The following SKP1 variants were observed in gnomAD, a reference collection of about 807,000 sequenced individuals.
SKP1 encodes S-phase kinase-associated protein 1.
Under a neutral mutation model 21.5 loss-of-function variants are expected in SKP1, and 1 was observed. The observed-to-expected ratio is 0.05, with a 90% CI of 0.02 to 0.22. The LOEUF (loss-of-function observed/expected upper bound fraction) is 0.22, where lower values mean the gene tolerates loss of function less well. SKP1 is among the 10% of genes least tolerant of loss of function. The pLI is 1.00. For synonymous variants in SKP1, 59 were observed against 59.3 expected, an observed-to-expected ratio of 0.99 and a Z score of 0.03; for missense variants, 70 against 192.0, an observed-to-expected ratio of 0.36 and a Z score of 3.76.
rs900953707 is a variant in SKP1, at chr5:134,157,428, A to G, written c.*305T>C. On this transcript the variant is annotated 3_prime_UTR_variant, in exon 6 of 6. Transcript: ENST00000353411. ...AGGTCACTAAAGTTAACTGGACAATAAACTAGGCAGACATTGCTTTACAAA... is the reference window on the plus strand; with the variant it reads ...AGGTCACTAAAGTTAACTGGACAATGAACTAGGCAGACATTGCTTTACAAA... 7 of 254,508 alleles carry G rather than the reference A, an allele frequency of 2.8e-5. No homozygotes were observed. The highest frequency in any genetic ancestry group is 2.5e-4 in the Admixed American group (5 of 19,868). 15.8% of individuals were successfully genotyped at this position (254,508 alleles called of 1,614,324 possible).
chr5:134,173,061 G>C (rs995865432), intron 2 of SKP1, among the ~76,000 whole-genome samples: 1 of 151,280 alleles, frequency 6.6e-6, no homozygotes, highest in Non-Finnish European at 1.5e-5. Context: ...GGCAGGGCGC[G>C]GTGGCTCACA....
chr5:134,168,114 A>G (rs980119515), intron 2 of SKP1, among the ~76,000 whole-genome samples: 1 of 152,234 alleles, frequency 6.6e-6, no homozygotes, highest in Non-Finnish European at 1.5e-5. Context: ...TGAGTACACA[A>G]ATAAAGGAAT....
chr5:134,170,078 G>A (rs1187950774), intron 2 of SKP1, among the ~76,000 whole-genome samples: 13 of 151,120 alleles, frequency 8.6e-5, no homozygotes, highest in Middle Eastern at 3.4e-3. Context: ...CTGAGGCAGG[G>A]GAATTGCTTG....
rs1039756241 is a variant in SKP1 at position 134,150,716 on chromosome 5, C to G, written c.*7017G>C. 6.6e-6 allele frequency: 1 copy of G among 152,136 alleles called. No individual in the cohort carries two copies. The highest frequency in any genetic ancestry group is 2.1e-4 in the South Asian group (1 of 4,824). 9.4% of individuals were successfully genotyped at this position (152,136 alleles called of 1,614,324 possible). On this transcript the variant is annotated 3_prime_UTR_variant, in exon 6 of 6. Transcript: ENST00000353411. The stretch of plus-strand genomic sequence containing the variant: ...AAGCAGACCCTGGTTGTGTCAACTC[C>G]CCCAATCCCAACTTATTGTGATAAC...
At chr5:134,157,861 G>A in intron 5 of SKP1, 93 bp from the exon 6 acceptor site, 2 of 1,609,238 alleles carry the variant, frequency 1.2e-6, no homozygotes, top group Non-Finnish European at 1.7e-6. Context: ...TAGCCAGTGA[G>A]TTGAGTCAGA....
At chr5:134,167,931 G>A (rs1187648871) in intron 2 of SKP1, among the ~76,000 whole-genome samples, 2 of 152,194 alleles carry the variant, frequency 1.3e-5, no homozygotes, top group East Asian at 3.8e-4. Context: ...GGTATCCACA[G>A]GGGTGTCCTG....
At chr5:134,172,755 G>A (rs1761467285) in intron 2 of SKP1, among the ~76,000 whole-genome samples, 1 of 152,070 alleles carries the variant, frequency 6.6e-6, no homozygotes, top group African/African-American at 2.4e-5. Flanking sequence ...TCTCATGCCT[G>A]TAATCCCAGC....
chr5:134,161,431 CAAT>C (rs1287179159), intron 3 of SKP1: 6 of 229,634 alleles, frequency 2.6e-5, no homozygotes, highest in Admixed American at 5.5e-5. Flanking sequence ...ATATGTACAA[CAAT>C]GATTAGCTGA....
intron 3 of SKP1, among the ~76,000 whole-genome samples, chr5:134,166,559 G>A (rs1462339921): frequency 8.6e-5 from 9 of 104,620 alleles, no homozygotes; most frequent in African/African-American, 2.3e-4. Flanking sequence ...CCAACCTGGC[G>A]ACAGAGCAAG....
intron 2 of SKP1, among the ~76,000 whole-genome samples, chr5:134,167,727 T>A (rs1451918380): frequency 1.3e-5 from 2 of 152,210 alleles, no homozygotes; most frequent in Non-Finnish European, 2.9e-5. Context: ...GGTTTCACCG[T>A]GTTAGCCAGG....
At chr5:134,176,079 C>G (rs1174543593) in intron 1 of SKP1, among the ~76,000 whole-genome samples, 1 of 152,192 alleles carries the variant, frequency 6.6e-6, no homozygotes. Flanking sequence ...AAAACCCAAA[C>G]GTGAAGTTTC....
intron 3 of SKP1, among the ~76,000 whole-genome samples, chr5:134,162,499 G>C (rs1761238398): frequency 6.6e-6 from 1 of 152,122 alleles, no homozygotes; most frequent in Admixed American, 6.5e-5. Flanking sequence ...TCCACCTCCT[G>C]GGTTCAAGCG....
intron 2 of SKP1, among the ~76,000 whole-genome samples, chr5:134,167,448 T>C (rs779126493): frequency 3.9e-5 from 6 of 152,184 alleles, no homozygotes; most frequent in Non-Finnish European, 8.8e-5. Context: ...TCCTGGTCAT[T>C]ACTCCCTAAA....
intron 3 of SKP1, 98 bp from the exon 4 acceptor site, chr5:134,161,228 T>C (rs569343335): frequency 9.2e-7 from 1 of 1,092,020 alleles, no homozygotes; most frequent in East Asian, 2.5e-5. Context: ...AATAACTAGC[T>C]AGAGGTTGAC....
chr5:134,165,706 GA>G (rs925071937), intron 3 of SKP1, among the ~76,000 whole-genome samples: 4 of 151,804 alleles, frequency 2.6e-5, no homozygotes, highest in Non-Finnish European at 4.4e-5. Context: ...CCAACATGGT[GA>G]AACCCCATCT....
intron 1 of SKP1, among the ~76,000 whole-genome samples, chr5:134,176,367 G>A (rs1761546509): frequency 2.0e-5 from 3 of 152,044 alleles, no homozygotes; most frequent in Admixed American, 1.3e-4. Context: ...AGAACCGGGC[G>A]GCCTCAGACC....
intron 1 of SKP1, chr5:134,175,695 A>G (rs1440714285): frequency 6.6e-6 from 1 of 152,252 alleles, no homozygotes; most frequent in Admixed American, 6.5e-5. Flanking sequence ...AGACCTTACT[A>G]AATAGCAGCT....
rs756566081 is a variant in SKP1, at chr5:134,155,075, T to G, written c.*2658A>C. The G allele has an allele frequency of 1.2e-4, 18 of 152,228 alleles. No homozygotes were observed. Among genetic ancestry groups the G allele is most frequent in the Non-Finnish European group, 2.4e-4 (16 of 68,044 alleles). 9.4% of individuals were successfully genotyped at this position (152,228 alleles called of 1,614,324 possible). On this transcript the variant is annotated 3_prime_UTR_variant, in exon 6 of 6. Coordinates refer to ENST00000353411, the MANE Select transcript of SKP1 (RefSeq NM_170679.3). The stretch of plus-strand genomic sequence containing the variant: ...ACTTCCAATGAAGTTCTGGAACTAA[T>G]ATAAAGCAGACTGCACTAGATCTAT...
Position 134,155,646 on chromosome 5 carries a change from C to A in SKP1, c.*2087G>T, listed in dbSNP as rs1023422724. 4.6e-5 allele frequency: 7 copies of A among 152,188 alleles called. No homozygotes were observed. Among genetic ancestry groups the A allele is most frequent in the Admixed American group, 1.3e-4 (2 of 15,274 alleles). 9.4% of individuals were successfully genotyped at this position (152,188 alleles called of 1,614,324 possible). On this transcript the variant is annotated 3_prime_UTR_variant, in exon 6 of 6. Coordinates refer to ENST00000353411, the MANE Select transcript of SKP1 (RefSeq NM_170679.3). ...AGTGACGTTATTTACTCATATAATTCTAACTACTGCTGAGTATTATACAGA... is the reference window on the plus strand; with the variant it reads ...AGTGACGTTATTTACTCATATAATTATAACTACTGCTGAGTATTATACAGA...
Sources: allele counts gnomAD v4.1 joint callset (sites outside exome capture counted in the v4.1 genomes callset), GRCh38; gene constraint gnomAD v4.1.1; transcripts MANE v1.5; gene names NCBI Gene and HGNC (gene_info 2026-07-23, HGNC 2026-07-21).